Variants in LUZP2 observed in about 807,000 individuals in gnomAD.
LUZP2 encodes the protein leucine zipper protein 2.
Under a neutral mutation model 51.6 loss-of-function variants are expected in LUZP2, and 52 were observed. The ratio of observed to expected loss-of-function variants is 1.01; its 90% confidence interval spans 0.81 to 1.27. The LOEUF (loss-of-function observed/expected upper bound fraction) is 1.27, where lower values mean the gene tolerates loss of function less well. Among genes scored for constraint, LUZP2 ranks in the 50% most tolerant of loss-of-function variants. The probability of loss-of-function intolerance (pLI) is 0.00; values close to 1 mark genes in which losing one functional copy is unlikely to be tolerated. For missense variants in LUZP2, 436 were observed against 395.4 expected, an observed-to-expected ratio of 1.10 and a Z score of -0.87; for synonymous variants, 154 against 137.3, an observed-to-expected ratio of 1.12 and a Z score of -0.85.
chr11:24,520,940 C>T (rs1284891393), intron 1 of LUZP2, among the ~76,000 whole-genome samples: 3 of 152,180 alleles, frequency 2.0e-5, no homozygotes, highest in African/African-American at 4.8e-5. Flanking sequence ...CAGTCCGCAC[C>T]ATCATTAGCT....
intron 1 of LUZP2, among the ~76,000 whole-genome samples, chr11:24,689,797 T>C (rs1430398159): frequency 3.9e-5 from 6 of 152,186 alleles, no homozygotes; most frequent in Non-Finnish European, 7.4e-5. Context: ...CTGTTCTTTC[T>C]TAAGCATTCA....
At chr11:25,034,043 C>A (rs1291668323) in intron 9 of LUZP2, among the ~76,000 whole-genome samples, 1 of 152,142 alleles carries the variant, frequency 6.6e-6, no homozygotes, top group East Asian at 1.9e-4. Context: ...TACATTCCCA[C>A]CAACAGTGTA....
chr11:24,810,419 A>G (rs564530208), intron 5 of LUZP2, among the ~76,000 whole-genome samples: 2 of 152,276 alleles, frequency 1.3e-5, no homozygotes, highest in African/African-American at 4.8e-5. Context: ...GGTTCTGTAT[A>G]AAGATAATAG....
chr11:25,034,872 CT>C (rs1417134882), intron 9 of LUZP2, among the ~76,000 whole-genome samples: 3 of 152,052 alleles, frequency 2.0e-5, no homozygotes, highest in Non-Finnish European at 4.4e-5. Context: ...CAGTCTTGTT[CT>C]TTTTGGTTAG....
At chr11:25,024,274 G>GTGTTGGA (rs1857420979) in intron 9 of LUZP2, among the ~76,000 whole-genome samples, 2 of 152,058 alleles carry the variant, frequency 1.3e-5, no homozygotes, top group Admixed American at 6.6e-5. Context: ...CCTATTCAAC[G>GTGTTGGA]TAGTGTTGGA....
chr11:25,051,403 T>G (rs1377824718), intron 10 of LUZP2, among the ~76,000 whole-genome samples: 1 of 152,212 alleles, frequency 6.6e-6, no homozygotes, highest in African/African-American at 2.4e-5. Flanking sequence ...ACTATACAAT[T>G]TAAAGCATAA....
chr11:25,009,659 C>T (rs537014702), intron 9 of LUZP2, among the ~76,000 whole-genome samples: 133 of 152,138 alleles, frequency 8.7e-4, no homozygotes, highest in African/African-American at 3.1e-3. Flanking sequence ...TTTCGTTTTA[C>T]CTCATTTTGA....
intron 5 of LUZP2, among the ~76,000 whole-genome samples, chr11:24,792,896 G>A (rs954433670): frequency 6.6e-6 from 1 of 152,096 alleles, no homozygotes; most frequent in African/African-American, 2.4e-5. Flanking sequence ...CTCCCTTGAG[G>A]CAATTTCTAT....
At chr11:24,997,346 G>C (rs982170418) in intron 9 of LUZP2, among the ~76,000 whole-genome samples, 2 of 152,140 alleles carry the variant, frequency 1.3e-5, no homozygotes, top group African/African-American at 2.4e-5. Context: ...TTGCGGTTTT[G>C]ATTTGCATTT....
At chr11:24,778,299 T>C (rs2631402) in intron 5 of LUZP2, among the ~76,000 whole-genome samples, 103,745 of 151,998 alleles carry the variant, frequency 0.68, 35,548 homozygotes, top group African/African-American at 0.71. Flanking sequence ...GCCTGTAGTC[T>C]TAGCTATTCA....
In LUZP2 at chr11:24,681,175, G is replaced by T. The variant is rs373562152; in HGVS notation, c.63-47994G>T. 2.2e-4 allele frequency among the ~76,000 whole-genome samples: 34 copies of T among 151,950 alleles called. No homozygotes were observed. The East Asian group carries it at 6.6e-3, about 30-fold the overall frequency. On this transcript the variant is annotated intron_variant, in intron 1 of 11. Transcript: ENST00000336930. ...TTTTTGTATTTTTAGTAGAGACGGG[G>T]TTTCACCTTGTTAGCCAGGATGGTC...
intron 1 of LUZP2, among the ~76,000 whole-genome samples, chr11:24,541,475 A>G (rs1377689814): frequency 6.6e-6 from 1 of 152,024 alleles, no homozygotes; most frequent in Admixed American, 6.6e-5. Context: ...CACTGTGAGA[A>G]CATCCTTGGG....
chr11:24,542,919 C>T (rs1851419760), intron 1 of LUZP2, among the ~76,000 whole-genome samples: 1 of 141,976 alleles, frequency 7.0e-6, no homozygotes, highest in African/African-American at 2.7e-5. Context: ...AGCACACACA[C>T]ACACAGAAAA....
chr11:25,058,092 G>A (rs1858739472), intron 10 of LUZP2, among the ~76,000 whole-genome samples: 1 of 151,282 alleles, frequency 6.6e-6, no homozygotes, highest in African/African-American at 2.4e-5. Context: ...GTCATTCTGG[G>A]CTACATTCCA....
intron 5 of LUZP2, among the ~76,000 whole-genome samples, chr11:24,899,916 T>G (rs1418915311): frequency 6.6e-6 from 1 of 152,116 alleles, no homozygotes; most frequent in Non-Finnish European, 1.5e-5. Flanking sequence ...GATGTAGAAA[T>G]TGGAATTCTA....
intron 1 of LUZP2, among the ~76,000 whole-genome samples, chr11:24,509,543 A>G (rs1850242732): frequency 6.7e-6 from 1 of 149,044 alleles, no homozygotes; most frequent in African/African-American, 2.4e-5. Flanking sequence ...TATATATTAT[A>G]TGCATATTTT....
chr11:24,897,888 G>A (rs1039987226), intron 5 of LUZP2, among the ~76,000 whole-genome samples: 3 of 151,788 alleles, frequency 2.0e-5, no homozygotes, highest in African/African-American at 7.3e-5. Flanking sequence ...TCTTCCTTTT[G>A]CCTTGCCTTT....
chr11:24,854,073 T>C (rs1472337532), intron 5 of LUZP2, among the ~76,000 whole-genome samples: 2 of 152,176 alleles, frequency 1.3e-5, no homozygotes, highest in East Asian at 3.9e-4. Context: ...CTGGGAGATG[T>C]CTCCCACTCA....
chr11:24,643,831 T>A (rs1470283947), intron 1 of LUZP2, among the ~76,000 whole-genome samples: 1 of 152,138 alleles, frequency 6.6e-6, no homozygotes, highest in East Asian at 1.9e-4. Flanking sequence ...AGACTTCCAG[T>A]GTTGGGAAAT....
Sources: allele counts gnomAD v4.1 joint callset (sites outside exome capture counted in the v4.1 genomes callset), GRCh38; gene constraint gnomAD v4.1.1; transcripts MANE v1.5; gene names NCBI Gene and HGNC (gene_info 2026-07-23, HGNC 2026-07-21).